Variants in NELL1 observed in about 807,000 individuals in gnomAD.
NELL1 encodes protein kinase C-binding protein NELL1.
In NELL1, 76 loss-of-function variants were observed where a neutral mutation model predicts 107.4. That is an observed-to-expected ratio of 0.71 (90% CI 0.59 to 0.86). The LOEUF (loss-of-function observed/expected upper bound fraction) is 0.86. Ranked by LOEUF, NELL1 falls within the 40% of genes least tolerant of loss-of-function variation. NELL1 has a pLI of 0.00. For synonymous variants in NELL1, 353 were observed against 341.2 expected (o/e 1.03, Z -0.38); for missense variants, 1,024 against 1,005.5 (o/e 1.02, Z -0.25).
At chr11:20,853,251 G>A (rs1394238393) in intron 4 of NELL1, among the ~76,000 whole-genome samples, 2 of 152,166 alleles carry the variant, frequency 1.3e-5, no homozygotes, top group African/African-American at 4.8e-5. Context: ...GGAAGTGTGG[G>A]AAAGGAGAGG....
At chr11:21,310,169 G>T (rs868864079) in intron 14 of NELL1, among the ~76,000 whole-genome samples, 59 of 152,048 alleles carry the variant, frequency 3.9e-4, no homozygotes, top group African/African-American at 1.4e-3. Context: ...CTATTTACTT[G>T]TTAAGCCTAT....
At chr11:21,088,497 A>C (rs1221819830) in intron 12 of NELL1, among the ~76,000 whole-genome samples, 2 of 152,138 alleles carry the variant, frequency 1.3e-5, no homozygotes, top group Non-Finnish European at 2.9e-5. Flanking sequence ...CTATCACCAC[A>C]TTTGGGCTCT....
intron 2 of NELL1, among the ~76,000 whole-genome samples, chr11:20,744,804 G>A (rs1855967794): frequency 6.6e-6 from 1 of 152,206 alleles, no homozygotes; most frequent in Non-Finnish European, 1.5e-5. Flanking sequence ...CACAGTGGGA[G>A]TAGGGAGGGA....
At chr11:21,298,886 C>G (rs747070496) in intron 14 of NELL1, among the ~76,000 whole-genome samples, 1 of 151,854 alleles carries the variant, frequency 6.6e-6, no homozygotes, top group Non-Finnish European at 1.5e-5. Context: ...ACCTTTCCCC[C>G]GAAAAAAGAT....
At chr11:21,274,100 A>G (rs1469887509) in intron 14 of NELL1, among the ~76,000 whole-genome samples, 1 of 152,234 alleles carries the variant, frequency 6.6e-6, no homozygotes, top group African/African-American at 2.4e-5. Flanking sequence ...TAAAAGACTC[A>G]GACTGGCAAA....
At chr11:21,551,275 T>C (rs577996097) in intron 16 of NELL1, among the ~76,000 whole-genome samples, 86 of 152,192 alleles carry the variant, frequency 5.7e-4, no homozygotes, top group African/African-American at 2.0e-3. Flanking sequence ...TATACAATCA[T>C]GTCATCTGCA....
chr11:21,430,551 T>C (rs888866587), intron 15 of NELL1, among the ~76,000 whole-genome samples: 12 of 152,140 alleles, frequency 7.9e-5, no homozygotes, highest in Non-Finnish European at 1.2e-4. Flanking sequence ...AGGGAACTAT[T>C]GTTTGTTTGT....
chr11:20,816,250 A>G (rs139261164), intron 3 of NELL1, among the ~76,000 whole-genome samples: 1,972 of 152,302 alleles, frequency 0.013, 51 homozygotes, highest in African/African-American at 0.044. Context: ...CAATGTGGCC[A>G]TTTAAACAAT....
chr11:20,822,454 T>G (rs986207239), intron 3 of NELL1, among the ~76,000 whole-genome samples: 2 of 152,312 alleles, frequency 1.3e-5, no homozygotes, highest in East Asian at 1.9e-4. Flanking sequence ...GACAAACTTT[T>G]TTTTTCTTCG....
intron 3 of NELL1, among the ~76,000 whole-genome samples, chr11:20,792,910 TTTGAG>T (rs1170155524): frequency 6.6e-6 from 1 of 151,986 alleles, no homozygotes; most frequent in African/African-American, 2.4e-5. Context: ...TTTCTGTGTA[TTTGAG>T]TTAATTCAAG....
At chr11:20,967,196 G>GTATT (rs1225653050) in intron 12 of NELL1, among the ~76,000 whole-genome samples, 1 of 152,098 alleles carries the variant, frequency 6.6e-6, no homozygotes, top group Non-Finnish European at 1.5e-5. Context: ...CAGGGCATAG[G>GTATT]TATTTACTAG....
At chr11:21,370,515 A>G (rs1262355815) in intron 14 of NELL1, among the ~76,000 whole-genome samples, 1 of 152,102 alleles carries the variant, frequency 6.6e-6, no homozygotes, top group Non-Finnish European at 1.5e-5. Flanking sequence ...CTTTACCTTC[A>G]TCCTGACCCT....
intron 15 of NELL1, among the ~76,000 whole-genome samples, chr11:21,462,244 G>C (rs537266932): frequency 5.3e-4 from 81 of 152,188 alleles, no homozygotes; most frequent in Non-Finnish European, 9.1e-4. Context: ...AACTAGGAAG[G>C]CAGCAGACAT....
chr11:21,107,927 T>C (rs767136665), intron 12 of NELL1, among the ~76,000 whole-genome samples: 5 of 152,196 alleles, frequency 3.3e-5, no homozygotes, highest in Non-Finnish European at 4.4e-5. Flanking sequence ...GTGTTCTTTG[T>C]CCAACAGTTA....
chr11:21,474,378 G>T (rs1854266681), intron 15 of NELL1, among the ~76,000 whole-genome samples: 1 of 151,878 alleles, frequency 6.6e-6, no homozygotes. Context: ...AGCTGTCTGT[G>T]TTCCCTTTAT....
intron 16 of NELL1, among the ~76,000 whole-genome samples, chr11:21,543,809 G>C (rs1408738171): frequency 1.3e-5 from 2 of 151,986 alleles, no homozygotes; most frequent in African/African-American, 4.8e-5. Flanking sequence ...TCAAAATAGA[G>C]TGCATTACAC....
intron 12 of NELL1, among the ~76,000 whole-genome samples, chr11:21,065,545 T>A: frequency 6.6e-6 from 1 of 152,208 alleles, no homozygotes; most frequent in East Asian, 1.9e-4. Context: ...CCACCCTTGA[T>A]AATGGATTCT....
At chr11:21,436,625 C>T (rs2133840402) in intron 15 of NELL1, among the ~76,000 whole-genome samples, 1 of 151,966 alleles carries the variant, frequency 6.6e-6, no homozygotes, top group East Asian at 1.9e-4. Flanking sequence ...TTTTAAGTAT[C>T]TATTTAGTTT....
intron 13 of NELL1, among the ~76,000 whole-genome samples, chr11:21,214,643 A>G (rs1857574192): frequency 6.6e-6 from 1 of 152,168 alleles, no homozygotes; most frequent in East Asian, 1.9e-4. Flanking sequence ...TTTCTTGGAA[A>G]CTAAACATGT....
Sources: gnomAD v4.1 joint callset for allele counts (sites outside exome capture counted in the v4.1 genomes callset) on GRCh38, gnomAD v4.1.1 for gene constraint, MANE v1.5 for transcripts, NCBI Gene and HGNC (gene_info 2026-07-23, HGNC 2026-07-21) for gene names.